Variants in NALF1 observed in about 807,000 individuals in gnomAD.
The protein encoded by NALF1 is family with sequence similarity 155 member A.
A neutral mutation model predicts 48.4 loss-of-function variants in NALF1; 3 were observed. That is an observed-to-expected ratio of 0.06 (90% CI 0.03 to 0.16). The LOEUF (loss-of-function observed/expected upper bound fraction) is 0.16. Ranked by LOEUF, NALF1 falls within the 10% of genes least tolerant of loss-of-function variation. The pLI is 1.00. For synonymous variants in NALF1, 262 were observed against 245.7 expected (o/e 1.07, Z -0.62); for missense variants, 526 against 571.5 (o/e 0.92, Z 0.81).
chr13:107,196,672 A>G (rs561142648), intron 2 of NALF1, among the ~76,000 whole-genome samples: 1 of 152,266 alleles, frequency 6.6e-6, no homozygotes, highest in South Asian at 2.1e-4. Flanking sequence ...AGATGATAAA[A>G]CAGTGGTCTC....
intron 1 of NALF1, among the ~76,000 whole-genome samples, chr13:107,470,564 T>C (rs1027979706): frequency 4.6e-5 from 7 of 152,170 alleles, no homozygotes; most frequent in Non-Finnish European, 1.0e-4. Flanking sequence ...CCTTCAGAAA[T>C]AGTCACACAA....
intron 1 of NALF1, among the ~76,000 whole-genome samples, chr13:107,588,396 G>A (rs1878515629): frequency 6.6e-6 from 1 of 152,082 alleles, no homozygotes; most frequent in Non-Finnish European, 1.5e-5. Context: ...GATATCTAGA[G>A]GCCCTAAAGG....
At chr13:107,325,883 TATATAC>T (rs1177563935) in intron 1 of NALF1, among the ~76,000 whole-genome samples, 980 of 94,840 alleles carry the variant, frequency 0.01, 10 homozygotes, top group Middle Eastern at 0.029. Flanking sequence ...TATATATATA[TATATAC>T]ACACACACAC....
At chr13:107,794,489 A>G (rs1049101408) in intron 1 of NALF1, among the ~76,000 whole-genome samples, 2 of 150,698 alleles carry the variant, frequency 1.3e-5, no homozygotes, top group Non-Finnish European at 3.0e-5. Context: ...TTTTTATTGC[A>G]GGAATTATAA....
chr13:107,710,878 C>T (rs77495954), intron 1 of NALF1, among the ~76,000 whole-genome samples: 13,773 of 150,204 alleles, frequency 0.092, 1,452 homozygotes, highest in East Asian at 0.42. Flanking sequence ...TATATATACA[C>T]ATATATACAC....
intron 1 of NALF1, among the ~76,000 whole-genome samples, chr13:107,808,747 T>C (rs1348552066): frequency 2.0e-5 from 3 of 152,052 alleles, no homozygotes; most frequent in African/African-American, 4.8e-5. Context: ...AAAAGGCAGT[T>C]TGGAAGTTTA....
intron 1 of NALF1, among the ~76,000 whole-genome samples, chr13:107,660,436 AACACACACACACACACAC>A (rs201215515): frequency 2.1e-4 from 20 of 93,632 alleles, no homozygotes; most frequent in South Asian, 3.8e-4. Context: ...CTGTCTCAAA[AACACACACACACACACAC>A]ACACACACAC....
intron 1 of NALF1, among the ~76,000 whole-genome samples, chr13:107,345,179 A>C (rs1882750696): frequency 6.6e-6 from 1 of 152,092 alleles, no homozygotes; most frequent in African/African-American, 2.4e-5. Context: ...TAAATGAAAA[A>C]CCATCCTTTG....
intron 1 of NALF1, among the ~76,000 whole-genome samples, chr13:107,425,885 T>A (rs1419096558): frequency 2.0e-5 from 3 of 152,160 alleles, no homozygotes; most frequent in African/African-American, 4.8e-5. Context: ...ATATTGGATG[T>A]CTACATACTA....
At chr13:107,518,672 T>C (rs1261711706) in intron 1 of NALF1, among the ~76,000 whole-genome samples, 1 of 152,104 alleles carries the variant, frequency 6.6e-6, no homozygotes, top group Non-Finnish European at 1.5e-5. Context: ...AGTAAATGTA[T>C]AGTATTTTAG....
chr13:107,425,500 C>T (rs1278120225), intron 1 of NALF1, among the ~76,000 whole-genome samples: 1 of 152,010 alleles, frequency 6.6e-6, no homozygotes, highest in Non-Finnish European at 1.5e-5. Flanking sequence ...TGACTAGGTA[C>T]TATGATATTT....
intron 2 of NALF1, among the ~76,000 whole-genome samples, chr13:107,177,449 G>A (rs886367523): frequency 2.6e-5 from 4 of 152,096 alleles, no homozygotes; most frequent in African/African-American, 9.7e-5. Context: ...GTTATCCTTA[G>A]CAAAAAGAAC....
chr13:107,254,196 C>A (rs1880765677), intron 1 of NALF1, among the ~76,000 whole-genome samples: 1 of 152,034 alleles, frequency 6.6e-6, no homozygotes, highest in African/African-American at 2.4e-5. Context: ...TCACAGTTGT[C>A]CTGTGAGCAA....
Position 107,170,409 on chromosome 13 carries a change from TA to T in NALF1, c.*87del. ...GGCCTTGCAATAAGTAATTCGAGGG[TA>T]AAAGCACCCAGTTTCTGTTACATGA... On this transcript the variant is annotated 3_prime_UTR_variant, in exon 3 of 3. Coordinates refer to ENST00000375915, the MANE Select transcript of NALF1 (RefSeq NM_001080396.3). 2 of 1,391,108 alleles carry T rather than the reference TA, an allele frequency of 1.4e-6. No homozygotes were observed. Among genetic ancestry groups the T allele is most frequent in the Non-Finnish European group, 2.0e-6 (2 of 1,023,622 alleles). 86.2% of individuals were successfully genotyped at this position (1,391,108 alleles called of 1,614,324 possible). A position where few individuals can be genotyped will look rare whatever the true frequency, so the allele number is the denominator to read the frequency against.
At chr13:107,509,115 A>G (rs1875798648) in intron 1 of NALF1, among the ~76,000 whole-genome samples, 1 of 152,204 alleles carries the variant, frequency 6.6e-6, no homozygotes, top group African/African-American at 2.4e-5. Flanking sequence ...GCTCAAATAT[A>G]CAAATTCAGC....
intron 1 of NALF1, among the ~76,000 whole-genome samples, chr13:107,818,072 C>T (rs1422721966): frequency 2.0e-5 from 3 of 152,146 alleles, no homozygotes; most frequent in Admixed American, 1.3e-4. Flanking sequence ...TCAGGTCATA[C>T]GGTAACCAAT....
chr13:107,400,020 T>C (rs552905753), intron 1 of NALF1, among the ~76,000 whole-genome samples: 4 of 152,166 alleles, frequency 2.6e-5, no homozygotes, highest in African/African-American at 9.6e-5. Context: ...AAAAAGACAA[T>C]AGAACTAAAA....
intron 1 of NALF1, among the ~76,000 whole-genome samples, chr13:107,245,145 G>A (rs1463865523): frequency 2.0e-5 from 3 of 152,078 alleles, no homozygotes; most frequent in African/African-American, 7.2e-5. Context: ...TTGTAATATT[G>A]TTTGTTTCTA....
chr13:107,604,787 G>A (rs944140429), intron 1 of NALF1, among the ~76,000 whole-genome samples: 17 of 152,154 alleles, frequency 1.1e-4, no homozygotes, highest in Admixed American at 1.3e-4. Flanking sequence ...TCATGAAGCT[G>A]TGCCGCAGCC....
Sources: allele counts gnomAD v4.1 joint callset (sites outside exome capture counted in the v4.1 genomes callset), GRCh38; gene constraint gnomAD v4.1.1; transcripts MANE v1.5; gene names NCBI Gene and HGNC (gene_info 2026-07-23, HGNC 2026-07-21).